Variants in CDH13 observed in about 807,000 individuals in gnomAD.
The protein encoded by CDH13 is cadherin-13.
Under a neutral mutation model 63.8 loss-of-function variants are expected in CDH13, and 24 were observed. The ratio of observed to expected loss-of-function variants is 0.38; its 90% CI spans 0.27 to 0.53. The LOEUF (loss-of-function observed/expected upper bound fraction) is 0.53, where lower values mean the gene tolerates loss of function less well. Among genes scored for constraint, CDH13 ranks in the 20% least tolerant of loss-of-function variants. CDH13 has a pLI of 0.85. For synonymous variants in CDH13, 503 were observed against 355.3 expected, an observed-to-expected ratio of 1.42 and a Z score of -4.67; for missense variants, 1,049 against 903.1, an observed-to-expected ratio of 1.16 and a Z score of -2.07.
At chr16:83,034,431 A>T (rs945934047) in intron 3 of CDH13, among the ~76,000 whole-genome samples, 3 of 152,202 alleles carry the variant, frequency 2.0e-5, no homozygotes, top group African/African-American at 7.2e-5. Context: ...TGGTGAATTC[A>T]TACCAGTGTG....
At chr16:82,756,207 CA>C (rs2034605551) in intron 1 of CDH13, among the ~76,000 whole-genome samples, 1 of 151,878 alleles carries the variant, frequency 6.6e-6, no homozygotes. Flanking sequence ...CTTGGCTAAG[CA>C]AAAAACTACA....
intron 7 of CDH13, among the ~76,000 whole-genome samples, chr16:83,497,318 A>T (rs1429652062): frequency 6.6e-6 from 1 of 152,120 alleles, no homozygotes; most frequent in East Asian, 1.9e-4. Flanking sequence ...ACACCATGGA[A>T]TACTATGCAG....
chr16:83,203,550 C>T (rs181476537), intron 4 of CDH13, among the ~76,000 whole-genome samples: 6 of 142,924 alleles, frequency 4.2e-5, no homozygotes, highest in African/African-American at 7.7e-5. Flanking sequence ...AGCCGGCTGT[C>T]GTGGTGGGTG....
chr16:83,714,745 A>G (rs1463337538), intron 10 of CDH13, among the ~76,000 whole-genome samples: 3 of 152,142 alleles, frequency 2.0e-5, no homozygotes, highest in Admixed American at 6.5e-5. Flanking sequence ...TTTGTTTTAC[A>G]TTTAGTAGCT....
intron 1 of CDH13, among the ~76,000 whole-genome samples, chr16:82,788,303 G>A (rs7184426): frequency 0.88 from 134,483 of 152,164 alleles, 60,078 homozygotes; most frequent in East Asian, 1. Flanking sequence ...ACATAAGCTC[G>A]TTACTACCCA....
At chr16:83,264,530 A>G (rs1048543144) in intron 5 of CDH13, among the ~76,000 whole-genome samples, 18 of 132,600 alleles carry the variant, frequency 1.4e-4, no homozygotes, top group African/African-American at 4.5e-4. Flanking sequence ...GTATATATGT[A>G]TATGTGTGTG....
intron 4 of CDH13, among the ~76,000 whole-genome samples, chr16:83,211,978 C>T (rs79542153): frequency 0.018 from 2,812 of 152,286 alleles, 78 homozygotes; most frequent in African/African-American, 0.064. Context: ...TTCTCGCTAA[C>T]TGTGAAGCCC....
chr16:82,642,850 A>G (rs1315114290), intron 1 of CDH13, among the ~76,000 whole-genome samples: 1 of 152,182 alleles, frequency 6.6e-6, no homozygotes, highest in African/African-American at 2.4e-5. Flanking sequence ...TTTTAATCCC[A>G]TTTCATAGGT....
intron 6 of CDH13, among the ~76,000 whole-genome samples, chr16:83,460,995 GCACACA>G (rs35631596): frequency 2.0e-5 from 3 of 147,808 alleles, no homozygotes; most frequent in Non-Finnish European, 4.5e-5. Context: ...ACACACACAC[GCACACA>G]CACACACACA....
intron 5 of CDH13, among the ~76,000 whole-genome samples, chr16:83,265,308 C>T (rs1367676358): frequency 1.3e-5 from 2 of 152,136 alleles, no homozygotes; most frequent in African/African-American, 4.8e-5. Flanking sequence ...TTTTTCCTTC[C>T]TGGTTAACCT....
rs60536965 is a variant in CDH13 at position 83,716,645 on chromosome 16, G to A, written c.1539-31463G>A. Among the ~76,000 whole-genome samples, 251 of 152,078 alleles carry A rather than the reference G, an allele frequency of 1.7e-3. 2 individuals carry two copies. Among genetic ancestry groups the A allele is most frequent in the African/African-American group, 5.7e-3 (238 of 41,500 alleles). On this transcript the variant is annotated intron_variant, in intron 10 of 13. Transcript: ENST00000567109. ...ACTACAGGCACGTGCCACCACACCCGGTTAATTTTTGTATTTTTAGTAGAG... is the reference window on the plus strand; with the variant it reads ...ACTACAGGCACGTGCCACCACACCCAGTTAATTTTTGTATTTTTAGTAGAG...
intron 4 of CDH13, among the ~76,000 whole-genome samples, chr16:83,185,383 A>T (rs539217080): frequency 8.5e-5 from 13 of 152,218 alleles, no homozygotes; most frequent in Non-Finnish European, 1.9e-4. Flanking sequence ...ATTTCTCAGT[A>T]AGTTTCTGTG....
At chr16:83,297,917 G>T (rs994161423) in intron 5 of CDH13, among the ~76,000 whole-genome samples, 16 of 151,710 alleles carry the variant, frequency 1.1e-4, no homozygotes, top group African/African-American at 3.9e-4. Flanking sequence ...GTGAAAATAA[G>T]AAAGAAGATG....
Position 83,021,673 on chromosome 16 carries a change from A to G in CDH13, c.158-10337A>G, listed in dbSNP as rs146988961. Among the ~76,000 whole-genome samples the G allele has an allele frequency of 2.8e-3, 427 of 152,340 alleles. 1 individual carries two copies. The highest frequency in any genetic ancestry group is 9.9e-3 in the African/African-American group (411 of 41,586). Reference sequence around the variant, plus strand: ...TCTATTTTATCAAAGTTGGAACTGAAGCATGGAATGGAATTAAGACTGTTT... The same window carrying G: ...TCTATTTTATCAAAGTTGGAACTGAGGCATGGAATGGAATTAAGACTGTTT... On this transcript the variant is annotated intron_variant, in intron 2 of 13. Transcript: ENST00000567109.
At chr16:82,716,167 C>T (rs1009667118) in intron 1 of CDH13, among the ~76,000 whole-genome samples, 20 of 152,196 alleles carry the variant, frequency 1.3e-4, no homozygotes, top group Admixed American at 3.3e-4. Flanking sequence ...CCTCAATCCC[C>T]CGAGGAGCCT....
intron 2 of CDH13, among the ~76,000 whole-genome samples, chr16:82,914,496 A>G (rs2041925006): frequency 6.6e-6 from 1 of 152,230 alleles, no homozygotes; most frequent in Admixed American, 6.5e-5. Context: ...TGTCTCAGTC[A>G]TGATTCCTGA....
intron 10 of CDH13, among the ~76,000 whole-genome samples, chr16:83,726,736 G>T (rs1374762119): frequency 6.6e-6 from 1 of 152,132 alleles, no homozygotes; most frequent in African/African-American, 2.4e-5. Flanking sequence ...TACTCGCGAG[G>T]CTGAGGCAGG....
intron 7 of CDH13, 56 bp downstream of exon 7, chr16:83,486,711 C>A: frequency 6.5e-7 from 1 of 1,529,034 alleles, no homozygotes. Flanking sequence ...GGCTTTCATG[C>A]AAGGGATGAT....
chr16:82,817,087 C>T (rs964813478), intron 1 of CDH13, among the ~76,000 whole-genome samples: 1 of 152,068 alleles, frequency 6.6e-6, no homozygotes, highest in African/African-American at 2.4e-5. Context: ...CAGATTGAGG[C>T]TAAGTTTTCC....
Sources: gnomAD v4.1 joint callset for allele counts (sites outside exome capture counted in the v4.1 genomes callset) on GRCh38, gnomAD v4.1.1 for gene constraint, MANE v1.5 for transcripts, NCBI Gene and HGNC (gene_info 2026-07-23, HGNC 2026-07-21) for gene names.